The following KCNC3 variants were observed in gnomAD, a reference collection of about 807,000 sequenced individuals.
KCNC3 encodes the protein voltage-gated potassium channel KCNC3.
Under a neutral mutation model 43.9 loss-of-function variants are expected in KCNC3, and 22 were observed. That is an observed-to-expected ratio of 0.50 (90% confidence interval 0.36 to 0.72). KCNC3 has a LOEUF of 0.72. KCNC3 is among the 30% of genes least tolerant of loss of function. The pLI, the probability that KCNC3 is intolerant of heterozygous loss-of-function variation, is 0.00. For missense variants in KCNC3, 829 were observed against 1,073.8 expected, an observed-to-expected ratio of 0.77 and a Z score of 3.19; for synonymous variants, 492 against 488.0, an observed-to-expected ratio of 1.01 and a Z score of -0.11.
At chr19:50,319,439 G>A (rs976775336) in intron 4 of KCNC3, among the ~76,000 whole-genome samples, 1 of 152,034 alleles carries the variant, frequency 6.6e-6, no homozygotes, top group East Asian at 1.9e-4. Flanking sequence ...TCTCAGCCCG[G>A]TGCCTGCCTC....
In KCNC3 at chr19:50,328,921, G is replaced by C; in HGVS notation, c.162C>G (p.Gly54=). The C allele has an allele frequency of 2.3e-6, 2 of 860,308 alleles. No homozygotes were observed. Among genetic ancestry groups the C allele is most frequent in the Non-Finnish European group, 2.8e-6 (2 of 717,454 alleles). The allele number at this position is 860,308 out of a possible 1,614,324, so 53.3% of individuals were successfully genotyped here. A position where few individuals can be genotyped will look rare whatever the true frequency, so the allele number is the denominator to read the frequency against. Residue 54 remains glycine (G), a synonymous_variant, in exon 1 of 5, where the codon GGC becomes GGG. Coordinates refer to ENST00000477616, the MANE Select transcript of KCNC3 (RefSeq NM_004977.3). ...AQPGPAASPA[G]PPAPRGPGDR... The stretch of plus-strand genomic sequence containing the variant: ...CCCCGGGCCCGCGGGGTGCCGGGGG[G>C]CCCGCCGGGGACGCGGCGGGGCCGG...
At chr19:50,321,318 A>G (rs1179562232) in intron 2 of KCNC3, among the ~76,000 whole-genome samples, 2 of 152,086 alleles carry the variant, frequency 1.3e-5, no homozygotes, top group Non-Finnish European at 2.9e-5. Flanking sequence ...AAATAGAAAA[A>G]TTAGCTGGGT....
At position 50,320,230 on chromosome 19, in the gene KCNC3, GGA is replaced by G; in HGVS notation, c.*14_*15del. 2.1e-6 allele frequency: 1 copy of G among 470,026 alleles called. No individual in the cohort carries two copies. Among genetic ancestry groups the G allele is most frequent in the Non-Finnish European group, 3.4e-6 (1 of 296,768 alleles). 29.1% of individuals were successfully genotyped at this position (470,026 alleles called of 1,614,324 possible). On this transcript the variant is annotated 3_prime_UTR_variant, in exon 4 of 5. Transcript: ENST00000477616. ...AGGGTGGGGGCTACTTACCCCGGGG[GGA>G]GGGGGTTCGTCCACTAGGGGGATAT... is the stretch of plus-strand genomic sequence containing the variant.
Position 50,328,810 on chromosome 19 carries a change from C to G in KCNC3, c.273G>C (p.Val91=). 6.5e-7 allele frequency: 1 copy of G among 1,538,044 alleles called. No homozygotes were observed. The highest frequency in any genetic ancestry group is 8.7e-7 in the Non-Finnish European group (1 of 1,146,552). ...GGGGGDSGKI[V]INVGGVRHET... is the part of the protein sequence containing the mutation. ...CATGGCGCACGCCGCCCACGTTGAT[C>G]ACGATCTTGCCGCTGTCGCCACCGC... Residue 91 remains valine (V), a synonymous_variant, in exon 1 of 5, where the codon GTG becomes GTC. Transcript: ENST00000477616.
At chr19:50,326,277 C>T (rs921739299) in intron 1 of KCNC3, among the ~76,000 whole-genome samples, 8 of 152,242 alleles carry the variant, frequency 5.3e-5, no homozygotes, top group African/African-American at 1.9e-4. Flanking sequence ...TCATCCCGCT[C>T]CTCATCTCAG....
intron 2 of KCNC3, among the ~76,000 whole-genome samples, chr19:50,322,592 TC>T (rs1283118631): frequency 6.6e-6 from 1 of 152,098 alleles, no homozygotes; most frequent in Non-Finnish European, 1.5e-5. Context: ...CAGGGCTGTC[TC>T]CCGGATGCTC....
rs562216413 is a variant in KCNC3, at chr19:50,315,145, AAGAC to A, written c.*966_*969del. 3.3e-4 allele frequency among the ~76,000 whole-genome samples: 50 copies of A among 152,282 alleles called. No homozygotes were observed. The highest frequency in any genetic ancestry group is 7.2e-4 in the Admixed American group (11 of 15,294). On this transcript the variant is annotated 3_prime_UTR_variant, in exon 5 of 5. Transcript: ENST00000477616. ...AGATACCCAGAGAGACAGAGAAGGC[AAGAC>A]AGACAGAGTCAGGCAGACAGAGACA...
chr19:50,329,046 G>A lies in KCNC3; in HGVS notation c.37C>T (p.Arg13Cys), dbSNP rs1239432341. ...GGCTGCTGCTTGCTGGCCCCCTGGC[G>A]CCCGCGGAAGGACGAGACGCAGACT... Reference protein sequence around the residue: ...SSVCVSSFRGRQGASKQQPAP... With the variant: ...SSVCVSSFRGCQGASKQQPAP... Residue 13 changes from arginine (R) to cysteine (C), a missense_variant, in exon 1 of 5, where the codon CGC becomes TGC. Transcript: ENST00000477616. 7 of 1,345,802 alleles carry A rather than the reference G, an allele frequency of 5.2e-6. No homozygotes were observed. In the South Asian group the frequency reaches 7.1e-5, roughly 14 times the overall value. The allele number at this position is 1,345,802 out of a possible 1,614,324, so 83.4% of individuals were successfully genotyped here. A position where few individuals can be genotyped will look rare whatever the true frequency, so the allele number is the denominator to read the frequency against.
At position 50,328,260 on chromosome 19, in the gene KCNC3, G is replaced by C. The variant is rs1004347635; in HGVS notation, c.823C>G (p.Arg275Gly). 8.4e-7 allele frequency: 1 copy of C among 1,196,658 alleles called. No individual in the cohort carries two copies. The highest frequency in any genetic ancestry group is 1.6e-5 in the African/African-American group (1 of 62,734). 74.1% of individuals were successfully genotyped at this position (1,196,658 alleles called of 1,614,324 possible). A position where few individuals can be genotyped will look rare whatever the true frequency, so the allele number is the denominator to read the frequency against. The change falls in exon 1 of 5, where the codon CGC becomes GGC. Residue 275 changes from arginine (R) to glycine (G), a missense_variant. Arg to Gly is a moderately radical substitution (Grantham distance 125, BLOSUM62 -2). This residue lies in a region of KCNC3 where 157 missense variants were observed against 293.5 expected (regional missense o/e 0.53). Transcript: ENST00000477616. ...GGTWWRRWQP[R>G]VWALFEDPYS... ...GGGTCCTCGAAGAGCGCCCACACGC[G>C]GGGCTGCCAGCGGCGCCACCATGTG...
intron 2 of KCNC3, among the ~76,000 whole-genome samples, chr19:50,321,695 G>A (rs1261208046): frequency 6.6e-6 from 1 of 152,120 alleles, no homozygotes; most frequent in African/African-American, 2.4e-5. Context: ...ACTTGAACCC[G>A]GGAGGCGGAG....
rs1464136690 is a variant in KCNC3 at position 50,315,127 on chromosome 19, C to T, written c.*988G>A. On this transcript the variant is annotated 3_prime_UTR_variant, in exon 5 of 5. Transcript: ENST00000477616. Reference sequence around the variant, plus strand: ...ATGGAAGGGGAGGACAACAGATACCCAGAGAGACAGAGAAGGCAAGACAGA... The same window carrying T: ...ATGGAAGGGGAGGACAACAGATACCTAGAGAGACAGAGAAGGCAAGACAGA... The T allele has an allele frequency of 5.6e-6, 1 of 179,418 alleles. No homozygotes were observed. The highest frequency in any genetic ancestry group is 1.2e-5 in the Non-Finnish European group (1 of 84,582). The allele number at this position is 179,418 out of a possible 1,614,324, so 11.1% of individuals were successfully genotyped here.
At chr19:50,319,953 T>C (rs1195556013) in intron 4 of KCNC3, among the ~76,000 whole-genome samples, 1 of 148,510 alleles carries the variant, frequency 6.7e-6, no homozygotes. Context: ...GGCAGAGATG[T>C]TGATGGGGGT....
At position 50,323,822 on chromosome 19, in the gene KCNC3, A is replaced by G; in HGVS notation, c.1131T>C (p.Leu377=). 1 of 1,614,144 alleles carries G rather than the reference A, an allele frequency of 6.2e-7. No individual in the cohort carries two copies. Among genetic ancestry groups the G allele is most frequent in the South Asian group, 1.1e-5 (1 of 91,074 alleles). Reference sequence around the variant, plus strand: ...AGTCGATGATGTTGAGGCTGCTTTTAAGAAACTCCACCTTGTCTGGGCAGA... The same window carrying G: ...AGTCGATGATGTTGAGGCTGCTTTTGAGAAACTCCACCTTGTCTGGGCAGA... The part of the protein sequence containing the change: ...ITFCPDKVEF[L]KSSLNIIDCV... The change falls in exon 2 of 5, where the codon CTT becomes CTC. Residue 377 remains leucine (L), a synonymous_variant. Coordinates refer to ENST00000477616, the MANE Select transcript of KCNC3 (RefSeq NM_004977.3).
chr19:50,324,090 G>A lies in KCNC3; in HGVS notation c.871-8C>T, dbSNP rs770687753. ...GGAGGCGAAGGCCACATACTGCAGG[G>A]CAGGGAGGGAGAGAGAGGGGGAGAG... On this transcript the variant is annotated splice_polypyrimidine_tract_variant and splice_region_variant and intron_variant, in intron 1 of 4. Transcript: ENST00000477616. The surrounding 1 kb of genome is among the most constrained non-coding windows in gnomAD (Gnocchi z 4.1). The A allele has an allele frequency of 1.3e-6, 2 of 1,583,362 alleles. No individual in the cohort carries two copies. Among genetic ancestry groups the A allele is most frequent in the Admixed American group, 3.5e-5 (2 of 57,660 alleles).
chr19:50,330,777 A>G (rs1159524994), upstream of KCNC3, among the ~76,000 whole-genome samples: 1 of 152,026 alleles, frequency 6.6e-6, no homozygotes, highest in East Asian at 1.9e-4. Flanking sequence ...GTTCTGGGGA[A>G]GAATGGAGTG....
rs957479955 is a variant in KCNC3, at chr19:50,328,903, C to T, written c.180G>A (p.Gly60=). 2.1e-6 allele frequency: 2 copies of T among 948,422 alleles called. No homozygotes were observed. The highest frequency in any genetic ancestry group is 3.6e-5 in the African/African-American group (2 of 55,856). The allele number at this position is 948,422 out of a possible 1,614,324, so 58.8% of individuals were successfully genotyped here. A position where few individuals can be genotyped will look rare whatever the true frequency, so the allele number is the denominator to read the frequency against. ...ASPAGPPAPR[G]PGDRRAEPCP... ...ATGGCTCGGCGCGCCGGTCCCCGGGCCCGCGGGGTGCCGGGGGGCCCGCCG... is the reference window on the plus strand; with the variant it reads ...ATGGCTCGGCGCGCCGGTCCCCGGGTCCGCGGGGTGCCGGGGGGCCCGCCG... Residue 60 remains glycine, a synonymous_variant, in exon 1 of 5, where the codon GGG becomes GGA. Transcript: ENST00000477616.
chr19:50,312,209 C>T lies in KCNC3; in HGVS notation c.*3906G>A, dbSNP rs2046141921. On this transcript the variant is annotated 3_prime_UTR_variant, in exon 5 of 5. Transcript: ENST00000477616. ...CTCCCCACACTGTCTCCGAACCCCG[C>T]CCCCATCCCTGAGAGCGCCCCCTCA... 1 of 151,886 alleles carries T rather than the reference C, an allele frequency of 6.6e-6. No individual in the cohort carries two copies. Among genetic ancestry groups the T allele is most frequent in the South Asian group, 2.1e-4 (1 of 4,812 alleles). The allele number at this position is 151,886 out of a possible 1,614,324, so 9.4% of individuals were successfully genotyped here. A position where few individuals can be genotyped will look rare whatever the true frequency, so the allele number is the denominator to read the frequency against.
chr19:50,316,597 G>T (rs868423048), intron 4 of KCNC3, among the ~76,000 whole-genome samples: 56 of 152,260 alleles, frequency 3.7e-4, no homozygotes, highest in Middle Eastern at 3.4e-3. Flanking sequence ...TTAGCCGGGT[G>T]TGGTGGCAGG....
intron 4 of KCNC3, among the ~76,000 whole-genome samples, chr19:50,317,484 C>T (rs765834738): frequency 3.9e-5 from 6 of 152,126 alleles, no homozygotes; most frequent in Admixed American, 6.5e-5. Flanking sequence ...ATTCCACAGA[C>T]GGCTGTTGAA....
Sources: allele counts gnomAD v4.1 joint callset (sites outside exome capture counted in the v4.1 genomes callset), GRCh38; gene constraint gnomAD v4.1.1; regional missense constraint gnomAD v4.1.1; non-coding constraint Gnocchi (gnomAD v3.1); transcripts MANE v1.5; gene names NCBI Gene and HGNC (gene_info 2026-07-23, HGNC 2026-07-21).